The following RGS7 variants were observed in gnomAD, a reference collection of about 807,000 sequenced individuals.
The protein encoded by RGS7 is regulator of G protein signaling 7.
In RGS7, 27 loss-of-function variants were observed where a neutral mutation model predicts 81.1. The ratio of observed to expected loss-of-function variants is 0.33; its 90% confidence interval spans 0.25 to 0.46. The LOEUF (loss-of-function observed/expected upper bound fraction) is 0.46, where lower values mean the gene tolerates loss of function less well. Among genes scored for constraint, RGS7 ranks in the 20% least tolerant of loss-of-function variants. The pLI, the probability that RGS7 is intolerant of heterozygous loss-of-function variation, is 1.00. For synonymous variants in RGS7, 208 were observed against 207.7 expected (o/e 1.00, Z -0.01); for missense variants, 396 against 607.4 (o/e 0.65, Z 3.66).
intron 3 of RGS7, among the ~76,000 whole-genome samples, chr1:241,074,963 G>A (rs1449245385): frequency 6.6e-6 from 1 of 152,094 alleles, no homozygotes; most frequent in East Asian, 1.9e-4. Flanking sequence ...AGCTATTTTT[G>A]AATTATTTAC....
chr1:241,285,916 G>A (rs1216519452), intron 2 of RGS7, among the ~76,000 whole-genome samples: 8 of 152,160 alleles, frequency 5.3e-5, no homozygotes, highest in Admixed American at 5.2e-4. Flanking sequence ...GCATAAAAAT[G>A]ATCAGTCATG....
chr1:241,143,967 T>A, intron 2 of RGS7, among the ~76,000 whole-genome samples: 1 of 152,146 alleles, frequency 6.6e-6, no homozygotes, highest in Non-Finnish European at 1.5e-5. Context: ...GGTGACTAAA[T>A]CTGCCAGTGC....
chr1:241,113,851 T>C (rs1472470763), intron 2 of RGS7, among the ~76,000 whole-genome samples: 2 of 152,240 alleles, frequency 1.3e-5, no homozygotes, highest in African/African-American at 4.8e-5. Flanking sequence ...GTGCAACACT[T>C]GGAAATGAGG....
chr1:241,129,152 T>C (rs753918458), intron 2 of RGS7, among the ~76,000 whole-genome samples: 10 of 152,102 alleles, frequency 6.6e-5, no homozygotes, highest in Non-Finnish European at 1.5e-4. Context: ...TCAGCCTCCA[T>C]GCTATAAGTA....
chr1:241,155,249 T>C (rs2069035538), intron 2 of RGS7, among the ~76,000 whole-genome samples: 1 of 152,122 alleles, frequency 6.6e-6, no homozygotes, highest in Non-Finnish European at 1.5e-5. Context: ...TACAGGTGCA[T>C]ACCCCGAGGC....
chr1:240,804,099 C>T (rs1480454359), intron 15 of RGS7, among the ~76,000 whole-genome samples: 1 of 152,116 alleles, frequency 6.6e-6, no homozygotes, highest in African/African-American at 2.4e-5. Flanking sequence ...TCACATTCTA[C>T]CTTGCTCAAG....
At position 241,323,597 on chromosome 1, in the gene RGS7, G is replaced by T. The variant is rs188218692; in HGVS notation, c.78+32102C>A. Among the ~76,000 whole-genome samples, 12 of 152,356 alleles carry T rather than the reference G, an allele frequency of 7.9e-5. No individual in the cohort carries two copies. In the East Asian group the frequency reaches 2.3e-3, roughly 29 times the overall value. ...GAAGAATGAACTACTGTAAGTCAAT[G>T]ATATGAACGAGTCCAAGAGACAAAG... On this transcript the variant is annotated intron_variant, in intron 2 of 18. Transcript: ENST00000440928.
intron 18 of RGS7, among the ~76,000 whole-genome samples, chr1:240,781,126 T>C (rs1464150378): frequency 1.3e-5 from 2 of 152,094 alleles, no homozygotes; most frequent in African/African-American, 2.4e-5. Flanking sequence ...TGGCCTGATA[T>C]GGACTTCATT....
intron 2 of RGS7, among the ~76,000 whole-genome samples, chr1:241,326,962 A>AAGAG (rs374037886): frequency 2.4e-5 from 3 of 124,556 alleles, no homozygotes; most frequent in African/African-American, 6.2e-5. Context: ...GGAAGGAAGG[A>AAGAG]AGAGAGAGAG....
intron 6 of RGS7, among the ~76,000 whole-genome samples, chr1:240,901,282 G>A (rs1011796335): frequency 5.3e-5 from 8 of 152,098 alleles, no homozygotes; most frequent in African/African-American, 1.2e-4. Context: ...CTCATGGTCC[G>A]TGGGCTGCTC....
intron 2 of RGS7, among the ~76,000 whole-genome samples, chr1:241,156,175 T>TAGATAGATAG (rs1197309050): frequency 8.6e-5 from 13 of 150,790 alleles, no homozygotes; most frequent in African/African-American, 3.2e-4. Context: ...GATAGATACA[T>TAGATAGATAG]ATACATAGAC....
At chr1:241,096,422 A>C (rs190459562) in intron 3 of RGS7, among the ~76,000 whole-genome samples, 111 of 152,226 alleles carry the variant, frequency 7.3e-4, no homozygotes, top group African/African-American at 2.6e-3. Context: ...ATAATACTAG[A>C]TATACCAACT....
intron 2 of RGS7, among the ~76,000 whole-genome samples, chr1:241,150,148 C>CA (rs1201938979): frequency 6.6e-6 from 1 of 151,370 alleles, no homozygotes; most frequent in Non-Finnish European, 1.5e-5. Context: ...CGTATTTGAG[C>CA]AAAAAAATAA....
At chr1:240,931,048 G>T (rs1230073130) in intron 5 of RGS7, among the ~76,000 whole-genome samples, 1 of 152,142 alleles carries the variant, frequency 6.6e-6, no homozygotes, top group Non-Finnish European at 1.5e-5. Flanking sequence ...AGGCAAAAAG[G>T]TCTGATTGTA....
chr1:241,226,632 A>C (rs998221227), intron 2 of RGS7, among the ~76,000 whole-genome samples: 7 of 152,210 alleles, frequency 4.6e-5, no homozygotes, highest in African/African-American at 1.7e-4. Flanking sequence ...CATTACAATG[A>C]TGGTGTTAGA....
At chr1:240,839,008 G>A (rs1440502376) in intron 9 of RGS7, among the ~76,000 whole-genome samples, 6 of 152,064 alleles carry the variant, frequency 3.9e-5, no homozygotes. Flanking sequence ...CTCGTGATCC[G>A]CCTGCCTTGG....
chr1:241,060,553 A>G (rs2061689943), intron 3 of RGS7, among the ~76,000 whole-genome samples: 1 of 152,002 alleles, frequency 6.6e-6, no homozygotes, highest in Non-Finnish European at 1.5e-5. Context: ...CCTAAATCCT[A>G]TTGATTGGTA....
intron 3 of RGS7, among the ~76,000 whole-genome samples, chr1:241,017,334 G>A (rs1414160242): frequency 6.6e-6 from 1 of 151,812 alleles, no homozygotes; most frequent in Non-Finnish European, 1.5e-5. Flanking sequence ...CCAGCTACCA[G>A]GGAGGCTGAG....
chr1:241,261,171 G>C (rs760565937), intron 2 of RGS7, among the ~76,000 whole-genome samples: 1 of 152,110 alleles, frequency 6.6e-6, no homozygotes, highest in East Asian at 1.9e-4. Flanking sequence ...AAGGATTGCT[G>C]TTCTCACAGA....
Sources: allele counts gnomAD v4.1 joint callset (sites outside exome capture counted in the v4.1 genomes callset), GRCh38; gene constraint gnomAD v4.1.1; transcripts MANE v1.5; gene names NCBI Gene and HGNC (gene_info 2026-07-23, HGNC 2026-07-21).